HPCAL1: variants seen among roughly 807,000 people sequenced by gnomAD.
HPCAL1 encodes the protein hippocalcin-like protein 1.
HPCAL1 carries 8 observed loss-of-function variants against 17.1 expected under a neutral mutation model. The ratio of observed to expected loss-of-function variants is 0.47; its 90% CI spans 0.27 to 0.84. The LOEUF (loss-of-function observed/expected upper bound fraction) is 0.84, where lower values mean the gene tolerates loss of function less well. Ranked by LOEUF, HPCAL1 falls within the 40% of genes least tolerant of loss-of-function variation. The pLI is 0.13. For missense variants in HPCAL1, 165 were observed against 271.1 expected, an observed-to-expected ratio of 0.61 and a Z score of 2.75; for synonymous variants, 112 against 111.4, an observed-to-expected ratio of 1.01 and a Z score of -0.03.
intron 2 of HPCAL1, among the ~76,000 whole-genome samples, chr2:10,415,489 C>T (rs912103717): frequency 6.6e-6 from 1 of 152,232 alleles, no homozygotes; most frequent in Admixed American, 6.5e-5. Context: ...CAGATCCATG[C>T]CCCGCCTATG....
intron 1 of HPCAL1, among the ~76,000 whole-genome samples, chr2:10,332,826 C>T (rs1664469392): frequency 1.3e-5 from 2 of 152,090 alleles, no homozygotes; most frequent in South Asian, 4.1e-4. Flanking sequence ...GATTGGATCT[C>T]AAGGGTGGTC....
chr2:10,384,008 A>G lies in HPCAL1; in HGVS notation c.-110-12827A>G, dbSNP rs1668138880. On this transcript the variant is annotated intron_variant, in intron 1 of 4. Coordinates refer to ENST00000307845, the MANE Select transcript of HPCAL1 (RefSeq NM_002149.4). The surrounding 1 kb of genome is among the most constrained non-coding windows in gnomAD (Gnocchi z 4.4). ...TGTACATATAATTACACATGCATAT[A>G]CATCGCGTACACACACACACCCACA... Among the ~76,000 whole-genome samples the G allele has an allele frequency of 8.9e-6, 1 of 111,870 alleles. No individual in the cohort carries two copies. The highest frequency in any genetic ancestry group is 2.7e-4 in the South Asian group (1 of 3,728). 73.4% of individuals were successfully genotyped at this position (111,870 alleles called of 152,430 possible).
chr2:10,353,451 G>A (rs1665948035), intron 1 of HPCAL1, among the ~76,000 whole-genome samples: 1 of 152,234 alleles, frequency 6.6e-6, no homozygotes, highest in African/African-American at 2.4e-5. Context: ...GCCTGCAGGT[G>A]TGGGGATACT....
chr2:10,401,022 G>A (rs1050686667), intron 2 of HPCAL1, among the ~76,000 whole-genome samples: 2 of 152,252 alleles, frequency 1.3e-5, no homozygotes, highest in Non-Finnish European at 2.9e-5. Flanking sequence ...GGAGATGCCA[G>A]GCAGAGGTGG....
At chr2:10,339,295 G>C (rs1216564942) in intron 1 of HPCAL1, among the ~76,000 whole-genome samples, 2 of 151,944 alleles carry the variant, frequency 1.3e-5, no homozygotes, top group Admixed American at 1.3e-4. Context: ...TGGGATTACA[G>C]GTGGGCGCCA....
intron 1 of HPCAL1, among the ~76,000 whole-genome samples, chr2:10,389,754 G>A (rs1197120888): frequency 6.6e-6 from 1 of 152,216 alleles, no homozygotes; most frequent in Non-Finnish European, 1.5e-5. Context: ...ACTCTGTTGT[G>A]ACTGTACTCC....
At chr2:10,408,870 C>G (rs756289927) in intron 2 of HPCAL1, 5 of 152,222 alleles carry the variant, frequency 3.3e-5, no homozygotes, top group African/African-American at 9.7e-5. Context: ...CCTGGTATCA[C>G]CCACTGAATG....
intron 1 of HPCAL1, among the ~76,000 whole-genome samples, chr2:10,347,552 G>A (rs1037963158): frequency 2.0e-5 from 3 of 152,138 alleles, no homozygotes; most frequent in African/African-American, 7.2e-5. Flanking sequence ...GCCACCCTGG[G>A]GTCCCAGGAG....
rs149458678 is a variant in HPCAL1, at chr2:10,415,688, C to T, written c.-24-4046C>T. ...GCCCCAGGCCTCCTCTTGATCATCA[C>T]GACCACCCTGCCATCCCTGTTATTC... is the stretch of plus-strand genomic sequence containing the variant. On this transcript the variant is annotated intron_variant, in intron 2 of 4. Transcript: ENST00000307845. 1.3e-3 allele frequency among the ~76,000 whole-genome samples: 197 copies of T among 152,304 alleles called. 1 individual carries two copies. Among genetic ancestry groups the T allele is most frequent in the African/African-American group, 4.7e-3 (194 of 41,566 alleles).
At chr2:10,414,656 A>G (rs1670549187) in intron 2 of HPCAL1, among the ~76,000 whole-genome samples, 1 of 152,070 alleles carries the variant, frequency 6.6e-6, no homozygotes, top group Non-Finnish European at 1.5e-5. Flanking sequence ...AATTTGGGGG[A>G]AGCACAGTTG....
At chr2:10,379,573 G>C (rs1667814411) in intron 1 of HPCAL1, among the ~76,000 whole-genome samples, 1 of 152,046 alleles carries the variant, frequency 6.6e-6, no homozygotes, top group African/African-American at 2.4e-5. Flanking sequence ...TTGAGTGATG[G>C]GATGACCATG....
chr2:10,321,579 A>G (rs974593851), intron 1 of HPCAL1, among the ~76,000 whole-genome samples: 37 of 152,168 alleles, frequency 2.4e-4, no homozygotes, highest in African/African-American at 8.7e-4. Flanking sequence ...GAACATTTTC[A>G]TCACCCCAGA....
rs1260602000 is a variant in HPCAL1, at chr2:10,354,115, T to G, written c.-110-42720T>G. 3 of 152,224 alleles carry G rather than the reference T, an allele frequency of 2.0e-5. No homozygotes were observed. Among genetic ancestry groups the G allele is most frequent in the Non-Finnish European group, 4.4e-5 (3 of 68,050 alleles). The allele number at this position is 152,224 out of a possible 1,614,324, so 9.4% of individuals were successfully genotyped here. On this transcript the variant is annotated intron_variant, in intron 1 of 4. Transcript: ENST00000307845. This position sits in a 1 kb window ranked among gnomAD's most constrained non-coding sequence, Gnocchi z 5.1. ...AAGGCGCTCACTCCTCCCACGGCGA[T>G]GCATTCCAGCCGTCGAATTATGTAG...
intron 2 of HPCAL1, among the ~76,000 whole-genome samples, chr2:10,408,047 C>T (rs756347556): frequency 1.3e-5 from 2 of 152,260 alleles, no homozygotes; most frequent in South Asian, 4.1e-4. Context: ...GAACTCATAT[C>T]TGCAGAGGCA....
intron 1 of HPCAL1, among the ~76,000 whole-genome samples, chr2:10,305,340 A>G (rs1040762585): frequency 2.6e-5 from 4 of 152,266 alleles, no homozygotes; most frequent in African/African-American, 7.2e-5. Context: ...CTTTGTCTCA[A>G]GCAAGCCAGT....
At chr2:10,317,205 C>T (rs1006541537) in intron 1 of HPCAL1, among the ~76,000 whole-genome samples, 1 of 152,156 alleles carries the variant, frequency 6.6e-6, no homozygotes, top group African/African-American at 2.4e-5. Flanking sequence ...TTTTTGTTGA[C>T]TTACAGTGTG....
rs16856091 is a variant in HPCAL1 at position 10,310,251 on chromosome 2, C to G, written c.-111+7074C>G. Among the ~76,000 whole-genome samples the G allele has an allele frequency of 6.6e-6, 1 of 152,002 alleles. No individual in the cohort carries two copies. Among genetic ancestry groups the G allele is most frequent in the Admixed American group, 6.6e-5 (1 of 15,240 alleles). On this transcript the variant is annotated intron_variant, in intron 1 of 4. Transcript: ENST00000307845. This position sits in a 1 kb window ranked among gnomAD's most constrained non-coding sequence, Gnocchi z 4.5. ...GTCATGTGCAGAAAGGGGTTCTAGG[C>G]GCAGCTCAGACGTAGATGGGGACGC... is the stretch of plus-strand genomic sequence containing the variant.
chr2:10,348,786 A>G (rs1468768822), intron 1 of HPCAL1, among the ~76,000 whole-genome samples: 1 of 152,096 alleles, frequency 6.6e-6, no homozygotes, highest in East Asian at 1.9e-4. Context: ...CTCAAGAAAC[A>G]AAACAAAACT....
intron 1 of HPCAL1, among the ~76,000 whole-genome samples, chr2:10,339,999 G>T (rs182420288): frequency 6.6e-6 from 1 of 152,204 alleles, no homozygotes; most frequent in African/African-American, 2.4e-5. Context: ...CATGACATTG[G>T]GATGAGTTCT....
Sources: allele counts gnomAD v4.1 joint callset (sites outside exome capture counted in the v4.1 genomes callset), GRCh38; gene constraint gnomAD v4.1.1; non-coding constraint Gnocchi (gnomAD v3.1); transcripts MANE v1.5; gene names NCBI Gene and HGNC (gene_info 2026-07-23, HGNC 2026-07-21).